MACF1: variants seen among roughly 807,000 people sequenced by gnomAD.
MACF1 encodes the protein microtubule actin crosslinking factor 1.
Under a neutral mutation model 854.8 loss-of-function variants are expected in MACF1, and 193 were observed. The observed-to-expected ratio is 0.23, with a 90% CI of 0.20 to 0.25. The LOEUF is 0.25. Among genes scored for constraint, MACF1 ranks in the 10% least tolerant of loss-of-function variants. The probability of loss-of-function intolerance (pLI) is 1.00; values close to 1 mark genes in which losing one functional copy is unlikely to be tolerated. For missense variants in MACF1, 7,722 were observed against 8,929.1 expected, an observed-to-expected ratio of 0.86 and a Z score of 5.45; for synonymous variants, 3,185 against 3,226.7, an observed-to-expected ratio of 0.99 and a Z score of 0.44.
At position 39,435,742 on chromosome 1, in the gene MACF1, C is replaced by A. The variant is rs1490213777; in HGVS notation, c.17969C>A (p.Ala5990Asp). ...CAGCGAGCCCTGGCTCTGGATGAAG[C>A]CGTGTCCCAGTCCACACAGGTATGT... ...VRQRALALDE[A>D]VSQSTQFHDK... Residue 5990 changes from alanine (A) to aspartate (D), a missense_variant, in exon 70 of 101, where the codon GCC (alanine) becomes GAC (aspartate). Transcript: ENST00000564288. 6.2e-7 allele frequency: 1 copy of A among 1,614,024 alleles called. No homozygotes were observed. Among genetic ancestry groups the A allele is most frequent in the Non-Finnish European group, 8.5e-7 (1 of 1,179,992 alleles).
intron 18 of MACF1, among the ~76,000 whole-genome samples, chr1:39,293,999 A>G (rs1645848986): frequency 6.6e-6 from 1 of 152,128 alleles, no homozygotes; most frequent in Non-Finnish European, 1.5e-5. Flanking sequence ...CTGGACCTCC[A>G]TAAAATGAGA....
chr1:39,283,271 C>T lies in MACF1; in HGVS notation c.778C>T (p.Leu260=). ...ACAGGCTTTTGAAGTGGCAGAAAGA[C>T]TGGGGGTCACTCGCCTGCTGGATGC... is the stretch of plus-strand genomic sequence containing the variant. ...LEQAFEVAER[L]GVTRLLDAED... The change falls in exon 8 of 101, where the codon CTG becomes TTG. Residue 260 remains leucine, a synonymous_variant. Coordinates refer to ENST00000564288, the MANE Select transcript of MACF1 (RefSeq NM_001394062.1). This position sits in a 1 kb window ranked among gnomAD's most constrained non-coding sequence, Gnocchi z 4.5. The T allele has an allele frequency of 1.9e-6, 3 of 1,613,728 alleles. No homozygotes were observed. The highest frequency in any genetic ancestry group is 2.5e-6 in the Non-Finnish European group (3 of 1,179,690).
chr1:39,385,293 C>T (rs1650602145), intron 56 of MACF1, 141 bp from the exon 57 acceptor site: 1 of 874,106 alleles, frequency 1.1e-6, no homozygotes, highest in Admixed American at 2.8e-5. Context: ...GTCTTGAACT[C>T]CTGACCTCAA....
chr1:39,317,681 G>A (rs944309026), intron 29 of MACF1, among the ~76,000 whole-genome samples: 1 of 152,160 alleles, frequency 6.6e-6, no homozygotes, highest in African/African-American at 2.4e-5. Context: ...AAGGTCCCTG[G>A]TGATCTTTTC....
rs374792131 is a variant in MACF1, at chr1:39,187,793, G to T, written c.221-43389G>T. 2.8e-4 allele frequency among the ~76,000 whole-genome samples: 43 copies of T among 151,938 alleles called. No individual in the cohort carries two copies. In the South Asian group the frequency reaches 8.9e-3, roughly 32 times the overall value. On this transcript the variant is annotated intron_variant, in intron 2 of 93. Transcript: ENST00000361689. The stretch of plus-strand genomic sequence containing the variant: ...CTCAAACTCCTGGCTTCAAGCAATT[G>T]TCTGGCTAATACTGCCTTTTAAGTC...
intron 1 of MACF1, among the ~76,000 whole-genome samples, chr1:39,207,607 A>T (rs940117356): frequency 8.5e-5 from 13 of 152,116 alleles, no homozygotes; most frequent in African/African-American, 3.1e-4. Flanking sequence ...TTAAACACTG[A>T]AGGTAACTGG....
At position 39,332,631 on chromosome 1, in the gene MACF1, A is replaced by T. The variant is rs148866838; in HGVS notation, c.6043A>T (p.Thr2015Ser). Residue 2015 changes from threonine to serine, a missense_variant, in exon 37 of 101, where the codon ACT becomes TCT. Thr to Ser is a moderately conservative substitution (Grantham distance 58). This residue lies in a region of MACF1 where 1,531 missense variants were observed against 1,601.6 expected (regional missense o/e 0.96). Transcript: ENST00000564288. The part of the protein sequence containing the change: ...VVEIGHQRQK[T>S]PEGLQESANV... ...TGAAATTGGGCATCAAAGGCAAAAA[A>T]CTCCTGAGGGATTGCAAGAATCAGC... The T allele has an allele frequency of 6.1e-5, 98 of 1,614,006 alleles. 1 individual carries two copies. In the African/African-American group the frequency reaches 9.9e-4, roughly 16 times the overall value.
chr1:39,336,439 A>C lies in MACF1; in HGVS notation c.9851A>C (p.Asn3284Thr). ...TTCAAAGGAGTGTCTCAAAAAGAGA[A>C]TACAGGGCAACAGAATGCCATCATT... ...KLFKGVSQKE[N>T]TGQQNAIISP... Residue 3284 changes from asparagine to threonine, a missense_variant, in exon 37 of 101, where the codon AAT becomes ACT. Physicochemically the swap from Asn to Thr is moderately conservative, Grantham distance 65. Around this residue, in one of 15 missense-constraint regions of MACF1, gnomAD observed 854 missense variants for 852.6 expected, o/e 1.00. Coordinates refer to ENST00000564288, the MANE Select transcript of MACF1 (RefSeq NM_001394062.1). 1 of 1,614,216 alleles carries C rather than the reference A, an allele frequency of 6.2e-7. No individual in the cohort carries two copies.
rs1644433460 is a variant in MACF1, at chr1:39,204,960, G to A, written c.-63G>A. The A allele has an allele frequency of 1.0e-5, 7 of 699,170 alleles. No homozygotes were observed. Among genetic ancestry groups the A allele is most frequent in the South Asian group, 6.0e-5 (4 of 67,042 alleles). The allele number at this position is 699,170 out of a possible 1,614,324, so 43.3% of individuals were successfully genotyped here. ...GGACAACAGTAACCTCAGGAGAAAG[G>A]CATCCAGAGGCCTGCGCTGAGCTTG... On this transcript the variant is annotated 5_prime_UTR_variant, in exon 1 of 101. Coordinates refer to ENST00000564288, the MANE Select transcript of MACF1 (RefSeq NM_001394062.1).
At chr1:39,136,888 G>C (rs1306512561) in intron 2 of MACF1, among the ~76,000 whole-genome samples, 2 of 152,108 alleles carry the variant, frequency 1.3e-5, no homozygotes, top group African/African-American at 2.4e-5. Context: ...AGAGTGTTCA[G>C]TTTGAAATTT....
Position 39,335,123 on chromosome 1 carries a change from G to A in MACF1, c.8535G>A (p.Lys2845=), listed in dbSNP as rs1408072439. The stretch of plus-strand genomic sequence containing the variant: ...AAAAGAGCAGGGAAATTTCCTTAAA[G>A]GAATTTGGGTGCAAGGATCAACGTA... ...QAKKSREISL[K]EFGCKDQRKP... Residue 2845 remains lysine, a synonymous_variant, in exon 37 of 101, where the codon AAG becomes AAA. Transcript: ENST00000564288. 6.2e-7 allele frequency: 1 copy of A among 1,614,146 alleles called. No individual in the cohort carries two copies. Among genetic ancestry groups the A allele is most frequent in the Non-Finnish European group, 8.5e-7 (1 of 1,180,016 alleles).
At chr1:39,282,087 C>T (rs1645559176) in intron 6 of MACF1, 121 bp from the exon 7 acceptor site, 3 of 907,428 alleles carry the variant, frequency 3.3e-6, no homozygotes, top group Non-Finnish European at 5.0e-6. Context: ...TGGAATAGTC[C>T]TCTAAAGTGC....
chr1:39,205,282 G>A lies in MACF1; in HGVS notation c.109+151G>A, dbSNP rs187780434. Among the ~76,000 whole-genome samples the A allele has an allele frequency of 5.9e-5, 9 of 152,252 alleles. 1 individual carries two copies. The East Asian group carries it at 1.7e-3, about 29-fold the overall frequency. ...CAGACTTAAGAGTGTGTGTGTGTGA[G>A]TATAATGAAGAAGCTGGTCTGCCCT... On this transcript the variant is annotated intron_variant, in intron 1 of 100. Transcript: ENST00000564288.
chr1:39,171,233 G>A (rs1571130811), intron 2 of MACF1, among the ~76,000 whole-genome samples: 1 of 148,354 alleles, frequency 6.7e-6, no homozygotes, highest in African/African-American at 2.4e-5. Context: ...GTGTGTATGT[G>A]TGTGTGTATT....
intron 66 of MACF1, among the ~76,000 whole-genome samples, chr1:39,431,852 T>C (rs1303260450): frequency 6.6e-6 from 1 of 151,936 alleles, no homozygotes; most frequent in Non-Finnish European, 1.5e-5. Context: ...CAATTGCCTG[T>C]GTAGTCCTAG....
At chr1:39,207,315 G>A (rs187369030) in intron 1 of MACF1, among the ~76,000 whole-genome samples, 2 of 136,052 alleles carry the variant, frequency 1.5e-5, no homozygotes, top group East Asian at 4.4e-4. Flanking sequence ...TTTTGCTCTT[G>A]TTATCCAGGC....
At chr1:39,198,920 G>A (rs186272060) in intron 2 of MACF1, among the ~76,000 whole-genome samples, 3 of 152,254 alleles carry the variant, frequency 2.0e-5, no homozygotes, top group Admixed American at 2.0e-4. Context: ...ATATAAATAA[G>A]TCTTGTAACG....
chr1:39,353,338 A>G (rs1647260812), intron 44 of MACF1, 107 bp downstream of exon 44: 1 of 757,806 alleles, frequency 1.3e-6, no homozygotes, highest in East Asian at 2.7e-5. Context: ...CTCAGTTTGT[A>G]TCTTCTTTGA....
At chr1:39,273,943 T>C (rs1317250599) in intron 6 of MACF1, among the ~76,000 whole-genome samples, 1 of 152,230 alleles carries the variant, frequency 6.6e-6, no homozygotes, top group Admixed American at 6.5e-5. Flanking sequence ...AAAGAATCAT[T>C]ATTTTTTAGG....
Sources: gnomAD v4.1 joint callset for allele counts (sites outside exome capture counted in the v4.1 genomes callset) on GRCh38, gnomAD v4.1.1 for gene constraint, gnomAD v4.1.1 regional missense constraint, Gnocchi (gnomAD v3.1) non-coding constraint, MANE v1.5 for transcripts, NCBI Gene and HGNC (gene_info 2026-07-23, HGNC 2026-07-21) for gene names.